The following CDKAL1 variants were observed in gnomAD, a reference collection of about 807,000 sequenced individuals.
CDKAL1 encodes the protein threonylcarbamoyladenosine tRNA methylthiotransferase.
Under a neutral mutation model 68.2 loss-of-function variants are expected in CDKAL1, and 32 were observed. The observed-to-expected ratio is 0.47, with a 90% CI of 0.35 to 0.63. The LOEUF is 0.63. CDKAL1 is among the 30% of genes least tolerant of loss of function. The pLI is 0.00. For synonymous variants in CDKAL1, 234 were observed against 244.3 expected, an observed-to-expected ratio of 0.96 and a Z score of 0.39; for missense variants, 606 against 696.7, an observed-to-expected ratio of 0.87 and a Z score of 1.47.
intron 13 of CDKAL1, among the ~76,000 whole-genome samples, chr6:21,134,066 G>A (rs1169492518): frequency 6.6e-6 from 1 of 152,142 alleles, no homozygotes. Context: ...GGGGTCGTGG[G>A]GGCGTATGTG....
intron 12 of CDKAL1, among the ~76,000 whole-genome samples, chr6:21,070,397 C>T (rs1209278176): frequency 2.2e-4 from 7 of 32,384 alleles, no homozygotes; most frequent in African/African-American, 1.1e-3. Context: ...TTTTGTTTCT[C>T]TCTTTTTTTT....
At chr6:21,088,883 A>G (rs907763887) in intron 12 of CDKAL1, among the ~76,000 whole-genome samples, 3 of 152,208 alleles carry the variant, frequency 2.0e-5, no homozygotes, top group African/African-American at 4.8e-5. Flanking sequence ...CAGAGGTTGC[A>G]TTGAGCCGAG....
At chr6:21,205,894 G>A (rs1778909808) in intron 15 of CDKAL1, among the ~76,000 whole-genome samples, 1 of 135,540 alleles carries the variant, frequency 7.4e-6, no homozygotes, top group African/African-American at 2.9e-5. Flanking sequence ...GAGTGCAGTG[G>A]CGCGATCTTG....
At chr6:21,095,454 A>G (rs1773267735) in intron 12 of CDKAL1, among the ~76,000 whole-genome samples, 1 of 152,200 alleles carries the variant, frequency 6.6e-6, no homozygotes. Flanking sequence ...CACAAATTAT[A>G]TATAACTAGA....
chr6:21,068,249 T>C (rs1250978008), intron 12 of CDKAL1, among the ~76,000 whole-genome samples: 1 of 152,058 alleles, frequency 6.6e-6, no homozygotes, highest in Non-Finnish European at 1.5e-5. Flanking sequence ...TTTATGTTAG[T>C]GCTTTTTGTG....
chr6:20,815,611 T>G (rs888722388), intron 8 of CDKAL1, among the ~76,000 whole-genome samples: 43 of 152,172 alleles, frequency 2.8e-4, no homozygotes, highest in African/African-American at 1.0e-3. Context: ...TTTAACTGAC[T>G]ACACTTAAAA....
chr6:20,606,405 A>G (rs574567129), intron 4 of CDKAL1, among the ~76,000 whole-genome samples: 5 of 152,346 alleles, frequency 3.3e-5, no homozygotes, highest in Admixed American at 1.3e-4. Flanking sequence ...AACATAGAGA[A>G]GAGAACAGTT....
chr6:20,993,842 T>G (rs910170236), intron 10 of CDKAL1, among the ~76,000 whole-genome samples: 2 of 152,178 alleles, frequency 1.3e-5, no homozygotes, highest in Non-Finnish European at 2.9e-5. Context: ...GGAAACACTG[T>G]TTTTTAATCT....
intron 5 of CDKAL1, among the ~76,000 whole-genome samples, chr6:20,732,528 C>T (rs1238386144): frequency 6.6e-6 from 1 of 150,452 alleles, no homozygotes; most frequent in African/African-American, 2.5e-5. Flanking sequence ...CTCAAGTGAT[C>T]TGCCCGCCTC....
chr6:20,781,367 T>C (rs1775423211), intron 8 of CDKAL1, 102 bp downstream of exon 8: 2 of 1,056,268 alleles, frequency 1.9e-6, no homozygotes, highest in East Asian at 2.6e-5. Context: ...GAACATTTTC[T>C]TGGGAAAGAA....
At chr6:20,588,814 T>G (rs1341704590) in intron 4 of CDKAL1, among the ~76,000 whole-genome samples, 1 of 152,192 alleles carries the variant, frequency 6.6e-6, no homozygotes, top group Non-Finnish European at 1.5e-5. Context: ...GTTGTAGATA[T>G]TACAGTCCTA....
At chr6:21,142,488 T>C (rs1775968018) in intron 13 of CDKAL1, among the ~76,000 whole-genome samples, 1 of 152,130 alleles carries the variant, frequency 6.6e-6, no homozygotes, top group South Asian at 2.1e-4. Flanking sequence ...CCCTCCATTC[T>C]GATGATGATG....
intron 5 of CDKAL1, among the ~76,000 whole-genome samples, chr6:20,705,351 A>G (rs1042601729): frequency 4.6e-5 from 7 of 152,226 alleles, no homozygotes; most frequent in Non-Finnish European, 1.0e-4. Context: ...TTCATTTTAA[A>G]GCAAGTATCA....
chr6:20,536,419 T>TGATGTGA (rs1163413210), intron 2 of CDKAL1, among the ~76,000 whole-genome samples: 3 of 152,222 alleles, frequency 2.0e-5, no homozygotes. Flanking sequence ...TTTTTGTATA[T>TGATGTGA]GATGTGAAAT....
chr6:21,009,548 TCCC>T (rs1278464706), intron 11 of CDKAL1, among the ~76,000 whole-genome samples: 2 of 152,116 alleles, frequency 1.3e-5, no homozygotes, highest in Non-Finnish European at 2.9e-5. Flanking sequence ...AGATACCTGT[TCCC>T]CCATGTTTAT....
intron 10 of CDKAL1, among the ~76,000 whole-genome samples, chr6:20,981,035 A>G (rs1257559873): frequency 6.6e-6 from 1 of 152,152 alleles, no homozygotes; most frequent in Non-Finnish European, 1.5e-5. Flanking sequence ...AGCACCAGAA[A>G]TACATATTAT....
chr6:20,551,350 T>C (rs1436017062), intron 4 of CDKAL1, among the ~76,000 whole-genome samples: 2 of 151,684 alleles, frequency 1.3e-5, no homozygotes, highest in Non-Finnish European at 2.9e-5. Context: ...TCACCCTTTT[T>C]CCTTCAGTAA....
intron 5 of CDKAL1, among the ~76,000 whole-genome samples, chr6:20,656,714 T>C (rs16884074): frequency 0.2 from 29,681 of 152,100 alleles, 3,183 homozygotes; most frequent in African/African-American, 0.26. Flanking sequence ...GGTTTTGTTA[T>C]ATATGTGTTA....
At position 20,539,673 on chromosome 6, in the gene CDKAL1, C is replaced by A. The variant is rs541067158; in HGVS notation, c.-6+4279C>A. Among the ~76,000 whole-genome samples, 2 of 151,872 alleles carry A rather than the reference C, an allele frequency of 1.3e-5. No individual in the cohort carries two copies. The highest frequency in any genetic ancestry group is 1.3e-4 in the Admixed American group (2 of 15,234). ...ACAAAGCCTGCATGACTGAGGGGAG[C>A]GTGGTAGGAAGTGGGGCCAGAGATG... On this transcript the variant is annotated intron_variant, in intron 2 of 15. Transcript: ENST00000274695. The surrounding 1 kb of genome is among the most constrained non-coding windows in gnomAD (Gnocchi z 4.3).
Sources: allele counts gnomAD v4.1 joint callset (sites outside exome capture counted in the v4.1 genomes callset), GRCh38; gene constraint gnomAD v4.1.1; non-coding constraint Gnocchi (gnomAD v3.1); transcripts MANE v1.5; gene names NCBI Gene and HGNC (gene_info 2026-07-23, HGNC 2026-07-21).